The following N4BP2L2 variants were observed in gnomAD, a reference collection of about 807,000 sequenced individuals.
N4BP2L2 encodes the protein NEDD4-binding protein 2-like 2.
N4BP2L2 carries 50 observed loss-of-function variants against 56.2 expected under a neutral mutation model. The observed-to-expected ratio is 0.89, with a 90% confidence interval of 0.71 to 1.13. The LOEUF (loss-of-function observed/expected upper bound fraction) is 1.13, where lower values mean the gene tolerates loss of function less well. N4BP2L2 is among the 50% of genes most tolerant of loss of function. N4BP2L2 has a pLI of 0.00. For missense variants in N4BP2L2, 689 were observed against 693.8 expected (o/e 0.99, Z 0.08); for synonymous variants, 203 against 223.6 (o/e 0.91, Z 0.82).
intron 6 of N4BP2L2, among the ~76,000 whole-genome samples, chr13:32,473,774 C>T (rs2082746778): frequency 1.3e-5 from 2 of 152,202 alleles, no homozygotes; most frequent in South Asian, 2.1e-4. Context: ...TCACGTTTCC[C>T]TCTAACTCTG....
At chr13:32,536,481 C>T in exon 2 of N4BP2L2, 1 of 1,612,076 alleles carries the variant, frequency 6.2e-7, no homozygotes, top group Non-Finnish European at 8.5e-7. Flanking sequence ...TTTTCCTTTT[C>T]AAGCTCTTCA....
chr13:32,486,172 A>G (rs2085807616), intron 6 of N4BP2L2, among the ~76,000 whole-genome samples: 1 of 152,224 alleles, frequency 6.6e-6, no homozygotes, highest in African/African-American at 2.4e-5. Flanking sequence ...TTAATGGTGA[A>G]AGGCTAAATA....
At chr13:32,536,487 C>T in exon 2 of N4BP2L2, 1 of 1,612,738 alleles carries the variant, frequency 6.2e-7, no homozygotes, top group Non-Finnish European at 8.5e-7. Context: ...TTTTCAAGCT[C>T]TTCAATTTCT....
At chr13:32,498,141 T>C (rs1027418968) in intron 6 of N4BP2L2, among the ~76,000 whole-genome samples, 5 of 152,062 alleles carry the variant, frequency 3.3e-5, no homozygotes, top group Non-Finnish European at 5.9e-5. Flanking sequence ...TATGCCACCA[T>C]ACTTGGCTAA....
At chr13:32,529,959 C>T (rs2054221573) in intron 2 of N4BP2L2, among the ~76,000 whole-genome samples, 1 of 152,120 alleles carries the variant, frequency 6.6e-6, no homozygotes, top group South Asian at 2.1e-4. Flanking sequence ...CTCCTGACCT[C>T]AGGTGATCCT....
chr13:32,472,696 G>T (rs1207893644), intron 6 of N4BP2L2, among the ~76,000 whole-genome samples: 1 of 152,196 alleles, frequency 6.6e-6, no homozygotes, highest in Non-Finnish European at 1.5e-5. Flanking sequence ...GTGAGATGAA[G>T]CTAGCTGAGC....
chr13:32,450,545 C>T (rs1218755968), intron 6 of N4BP2L2, among the ~76,000 whole-genome samples: 1 of 151,884 alleles, frequency 6.6e-6, no homozygotes, highest in Non-Finnish European at 1.5e-5. Flanking sequence ...AGGACGGTCT[C>T]GATCTCATGA....
chr13:32,472,134 GACA>G (rs2082421774), intron 6 of N4BP2L2, among the ~76,000 whole-genome samples: 1 of 152,110 alleles, frequency 6.6e-6, no homozygotes, highest in African/African-American at 2.4e-5. Context: ...TCTTAACAAA[GACA>G]ACATCGTAAA....
At chr13:32,491,647 T>G (rs1439941442) in intron 6 of N4BP2L2, among the ~76,000 whole-genome samples, 2 of 146,366 alleles carry the variant, frequency 1.4e-5, no homozygotes, top group Admixed American at 1.4e-4. Flanking sequence ...TTTTTTTTTT[T>G]TTGAGACGGA....
chr13:32,522,197 C>A, exon 4 of N4BP2L2: 1 of 1,557,268 alleles, frequency 6.4e-7, no homozygotes, highest in Non-Finnish European at 8.7e-7. Context: ...CCACATATGG[C>A]TTCATTTCCC....
intron 6 of N4BP2L2, among the ~76,000 whole-genome samples, chr13:32,496,143 TA>T (rs1240961444): frequency 6.6e-6 from 1 of 152,028 alleles, no homozygotes; most frequent in Non-Finnish European, 1.5e-5. Flanking sequence ...CCACACCAAC[TA>T]TTACATAATT....
At chr13:32,535,144 AAAAG>A (rs1309243737) in intron 2 of N4BP2L2, among the ~76,000 whole-genome samples, 1 of 152,206 alleles carries the variant, frequency 6.6e-6, no homozygotes, top group African/African-American at 2.4e-5. Flanking sequence ...CAATTCCAGA[AAAAG>A]TAAGTATCAT....
intron 8 of N4BP2L2, among the ~76,000 whole-genome samples, chr13:32,437,830 A>G (rs1379923364): frequency 1.3e-5 from 2 of 152,222 alleles, no homozygotes; most frequent in Non-Finnish European, 2.9e-5. Flanking sequence ...ATATTCCTCC[A>G]CAAAGTTAGG....
chr13:32,536,871 C>T lies in N4BP2L2; in HGVS notation c.157G>A (p.Asp53Asn), dbSNP rs766019201. 20 of 1,614,036 alleles carry T rather than the reference C, an allele frequency of 1.2e-5. No individual in the cohort carries two copies. The South Asian group carries it at 2.2e-4, about 18-fold the overall frequency. Residue 53 changes from aspartate (D) to asparagine (N), a missense_variant, in exon 2 of 6, where the codon GAT becomes AAT. Coordinates refer to ENST00000267068, the Ensembl canonical transcript of N4BP2L2. Reference sequence around the variant, plus strand: ...TCAATGATGGTCACAGGGACCCAATCATTTCCAGTTTTCTCTTGGATTCTG... The same window carrying T: ...TCAATGATGGTCACAGGGACCCAATTATTTCCAGTTTTCTCTTGGATTCTG...
intron 6 of N4BP2L2, among the ~76,000 whole-genome samples, chr13:32,452,590 A>G (rs2078276045): frequency 6.6e-6 from 1 of 152,226 alleles, no homozygotes; most frequent in South Asian, 2.1e-4. Context: ...AATTAACCAC[A>G]TCAGCAGGTT....
intron 5 of N4BP2L2, among the ~76,000 whole-genome samples, chr13:32,519,443 G>A (rs1033630461): frequency 1.3e-5 from 2 of 151,984 alleles, no homozygotes; most frequent in Non-Finnish European, 2.9e-5. Context: ...ATTGCTTGAG[G>A]TCAGGAGCTC....
rs374682884 is a variant in N4BP2L2 at position 32,511,923 on chromosome 13, C to T, written c.*5879G>A. 1.3e-4 allele frequency: 20 copies of T among 151,956 alleles called. No homozygotes were observed. In the East Asian group the frequency reaches 3.5e-3, roughly 26 times the overall value. The allele number at this position is 151,956 out of a possible 1,614,324, so 9.4% of individuals were successfully genotyped here. On this transcript the variant is annotated 3_prime_UTR_variant, in exon 6 of 6. Transcript: ENST00000267068. The stretch of plus-strand genomic sequence containing the variant: ...GAGTAAATTTTCTTTCATTTTGTTA[C>T]ACTAAAAAACTGAAGAGTTCAGAAT...
intron 3 of N4BP2L2, among the ~76,000 whole-genome samples, chr13:32,526,182 CA>C (rs2052706215): frequency 6.6e-6 from 1 of 152,102 alleles, no homozygotes; most frequent in Non-Finnish European, 1.5e-5. Context: ...ACAGGACAAA[CA>C]ACATAGTTTC....
At chr13:32,534,612 A>G (rs2056021787) in intron 2 of N4BP2L2, among the ~76,000 whole-genome samples, 1 of 152,234 alleles carries the variant, frequency 6.6e-6, no homozygotes. Flanking sequence ...TTAATTCTGG[A>G]ATGAATTAAT....
Sources: gnomAD v4.1 joint callset for allele counts (sites outside exome capture counted in the v4.1 genomes callset) on GRCh38, gnomAD v4.1.1 for gene constraint, MANE v1.5 for transcripts, NCBI Gene and HGNC (gene_info 2026-07-23, HGNC 2026-07-21) for gene names.